The following CRACR2A variants were observed in gnomAD, a reference collection of about 807,000 sequenced individuals.
CRACR2A encodes the protein EF-hand calcium-binding domain-containing protein 4B.
A neutral mutation model predicts 90.5 loss-of-function variants in CRACR2A; 79 were observed. The observed-to-expected ratio is 0.87, with a 90% CI of 0.73 to 1.05. The LOEUF is 1.05. Among genes scored for constraint, CRACR2A ranks in the 50% least tolerant of loss-of-function variants. CRACR2A has a pLI of 0.00. For synonymous variants in CRACR2A, 338 were observed against 356.7 expected, an observed-to-expected ratio of 0.95 and a Z score of 0.59; for missense variants, 823 against 897.2, an observed-to-expected ratio of 0.92 and a Z score of 1.06.
intron 2 of CRACR2A, chr12:3,726,392 T>G (rs567200766): frequency 6.6e-6 from 1 of 152,330 alleles, no homozygotes; most frequent in Non-Finnish European, 1.5e-5. Context: ...ATGCCTGCAC[T>G]GGAACACATA....
chr12:3,687,829 A>G (rs1945589167), intron 4 of CRACR2A, among the ~76,000 whole-genome samples: 1 of 152,166 alleles, frequency 6.6e-6, no homozygotes, highest in Non-Finnish European at 1.5e-5. Flanking sequence ...GTGTTCCTTT[A>G]TCTCTGCAAC....
intron 17 of CRACR2A, among the ~76,000 whole-genome samples, chr12:3,622,349 T>C (rs1179893515): frequency 6.6e-6 from 1 of 152,204 alleles, no homozygotes; most frequent in Non-Finnish European, 1.5e-5. Flanking sequence ...TCTGTCACCA[T>C]CTCTCCATGT....
intron 17 of CRACR2A, among the ~76,000 whole-genome samples, chr12:3,621,213 G>C (rs1324408608): frequency 6.6e-6 from 1 of 152,110 alleles, no homozygotes; most frequent in Non-Finnish European, 1.5e-5. Flanking sequence ...TCTACCCCAG[G>C]TTTTGGTATT....
At chr12:3,710,893 T>A (rs919070304) in intron 3 of CRACR2A, among the ~76,000 whole-genome samples, 1 of 152,144 alleles carries the variant, frequency 6.6e-6, no homozygotes, top group African/African-American at 2.4e-5. Context: ...AAGGCCCCAT[T>A]TCCTACTATC....
rs1565465929 is a variant in CRACR2A, at chr12:3,633,723, GGA to G, written c.1614_1615del (p.Pro539LeufsTer4). 6.4e-7 allele frequency: 1 copy of G among 1,551,718 alleles called. No individual in the cohort carries two copies. Among genetic ancestry groups the G allele is most frequent in the Non-Finnish European group, 8.7e-7 (1 of 1,147,002 alleles). ...CTTGAAGAGCCGGTCAGGGGCAGAG[GGA>G]GAGCTTTCCTCCTGTGGATGGCACA... On this transcript the variant is annotated frameshift_variant, in exon 15 of 20. Transcript: ENST00000440314. LOFTEE classifies it high-confidence loss of function. This position sits in a 1 kb window ranked among gnomAD's most constrained non-coding sequence, Gnocchi z 4.5.
At chr12:3,656,896 A>T (rs1002294940) in intron 8 of CRACR2A, among the ~76,000 whole-genome samples, 1 of 152,192 alleles carries the variant, frequency 6.6e-6, no homozygotes, top group African/African-American at 2.4e-5. Context: ...ACACAGGGCC[A>T]TTTCCTCTTC....
At chr12:3,729,401 T>A (rs241969) in intron 2 of CRACR2A, 112,174 of 152,078 alleles carry the variant, frequency 0.74, 41,513 homozygotes, top group Non-Finnish European at 0.78. Context: ...TGTAAACCAC[T>A]CCTTATTTAA....
intron 12 of CRACR2A, among the ~76,000 whole-genome samples, chr12:3,643,303 C>G (rs1944606335): frequency 6.6e-6 from 1 of 152,138 alleles, no homozygotes; most frequent in Admixed American, 6.5e-5. Flanking sequence ...TTAGGGCAAA[C>G]CAATTGCCTT....
intron 3 of CRACR2A, among the ~76,000 whole-genome samples, chr12:3,702,741 C>T (rs967456039): frequency 6.6e-6 from 1 of 152,154 alleles, no homozygotes; most frequent in Non-Finnish European, 1.5e-5. Context: ...CATCTCAATT[C>T]CAGTCAAAAT....
At chr12:3,713,216 G>C (rs1466422602) in intron 3 of CRACR2A, 21 bp downstream of exon 3, 1 of 983,668 alleles carries the variant, frequency 1.0e-6, no homozygotes, top group Non-Finnish European at 1.2e-6. Flanking sequence ...GCAACCTGTC[G>C]CCTTTTGTTC....
intron 15 of CRACR2A, among the ~76,000 whole-genome samples, chr12:3,631,936 T>C (rs1465330244): frequency 6.6e-6 from 1 of 152,308 alleles, no homozygotes; most frequent in Middle Eastern, 3.4e-3. Flanking sequence ...GACCCAGGCT[T>C]GGAGGCAGTC....
chr12:3,625,470 C>G (rs1944238864), intron 17 of CRACR2A, among the ~76,000 whole-genome samples: 1 of 151,318 alleles, frequency 6.6e-6, no homozygotes, highest in Non-Finnish European at 1.5e-5. Context: ...CCATCCATTC[C>G]CATTAATCCC....
chr12:3,678,601 G>C (rs1945380715), intron 6 of CRACR2A, among the ~76,000 whole-genome samples: 1 of 152,132 alleles, frequency 6.6e-6, no homozygotes, highest in African/African-American at 2.4e-5. Flanking sequence ...TGCCTCATGA[G>C]GAGCAAGGCT....
chr12:3,648,182 C>T (rs1335604614), intron 11 of CRACR2A: 1 of 1,107,930 alleles, frequency 9.0e-7, no homozygotes, highest in Non-Finnish European at 1.1e-6. Flanking sequence ...ACTCACCTAA[C>T]AGTTTTGCTG....
intron 2 of CRACR2A, chr12:3,729,343 A>G (rs1946324332): frequency 6.6e-6 from 1 of 152,280 alleles, no homozygotes; most frequent in East Asian, 1.9e-4. Flanking sequence ...CACGACTATC[A>G]TCTCCACAGC....
chr12:3,740,547 A>G (rs779670288), intron 1 of CRACR2A, among the ~76,000 whole-genome samples: 7 of 152,178 alleles, frequency 4.6e-5, no homozygotes, highest in Non-Finnish European at 8.8e-5. Context: ...AGCATTTTAC[A>G]ATGTATTAAG....
At chr12:3,638,555 T>A (rs79045145) in intron 13 of CRACR2A, 101 bp from the exon 14 acceptor site, 14,751 of 1,333,416 alleles carry the variant, frequency 0.011, 250 homozygotes, top group African/African-American at 0.06. Flanking sequence ...CCAAGGAGCA[T>A]CACACCTTTG....
chr12:3,641,734 C>CCTA lies in CRACR2A; in HGVS notation c.1266_1268dup (p.Leu422_Arg423insSer), dbSNP rs953263642. On this transcript the variant is annotated inframe_insertion, in exon 13 of 20. Transcript: ENST00000440314. ...ATGAGCAAGTGGAGATGACTTACCT[C>CCTA]CTAAGAATCCCTCTGCTGTCCACAT... 9.0e-6 allele frequency: 14 copies of CCTA among 1,551,456 alleles called. No individual in the cohort carries two copies. Among genetic ancestry groups the CCTA allele is most frequent in the Non-Finnish European group, 3.5e-6 (4 of 1,146,906 alleles).
chr12:3,644,231 G>C (rs1225892847), intron 12 of CRACR2A, among the ~76,000 whole-genome samples: 3 of 151,598 alleles, frequency 2.0e-5, no homozygotes, highest in African/African-American at 4.8e-5. Context: ...AATTTTCATC[G>C]AGATAAAAAT....
Sources: gnomAD v4.1 joint callset for allele counts (sites outside exome capture counted in the v4.1 genomes callset) on GRCh38, gnomAD v4.1.1 for gene constraint, Gnocchi (gnomAD v3.1) non-coding constraint, MANE v1.5 for transcripts, NCBI Gene and HGNC (gene_info 2026-07-23, HGNC 2026-07-21) for gene names.